The following ZNF189 variants were observed in gnomAD, a reference collection of about 807,000 sequenced individuals.
ZNF189 encodes zinc finger protein 189.
A neutral mutation model predicts 53.5 loss-of-function variants in ZNF189; 33 were observed. The observed-to-expected ratio is 0.62, with a 90% CI of 0.47 to 0.82. The LOEUF (loss-of-function observed/expected upper bound fraction) is 0.82. ZNF189 is among the 40% of genes least tolerant of loss of function. The pLI, the probability that ZNF189 is intolerant of heterozygous loss-of-function variation, is 0.00. For missense variants in ZNF189, 711 were observed against 753.9 expected (o/e 0.94, Z 0.67); for synonymous variants, 247 against 238.8 (o/e 1.03, Z -0.32).
intron 2 of ZNF189, among the ~76,000 whole-genome samples, chr9:101,406,256 AAG>A (rs1264099277): frequency 6.6e-6 from 1 of 152,080 alleles, no homozygotes; most frequent in Non-Finnish European, 1.5e-5. Context: ...GGCTTTCATA[AAG>A]AGAAGGATTT....
At chr9:101,399,611 A>G in intron 1 of ZNF189, 1 of 1,303,206 alleles carries the variant, frequency 7.7e-7, no homozygotes, top group African/African-American at 1.5e-5. Flanking sequence ...GTAGGCAATG[A>G]GGTGAGGGAA....
chr9:101,399,258 TC>T, intron 1 of ZNF189, 69 bp downstream of exon 1: 1 of 1,424,914 alleles, frequency 7.0e-7, no homozygotes, highest in South Asian at 1.3e-5. Flanking sequence ...ACCACTGCTT[TC>T]TCCCCCAGGC....
At chr9:101,402,335 T>G (rs371306763) in intron 2 of ZNF189, among the ~76,000 whole-genome samples, 2 of 152,236 alleles carry the variant, frequency 1.3e-5, no homozygotes, top group East Asian at 3.8e-4. Flanking sequence ...TTGCCTCAAT[T>G]TATTTTTTTA....
At chr9:101,407,865 T>TA in intron 2 of ZNF189, 64 bp from the exon 3 acceptor site, 1 of 1,427,092 alleles carries the variant, frequency 7.0e-7, no homozygotes, top group Non-Finnish European at 9.3e-7. Context: ...TTGCCCATCT[T>TA]ACTTTGTTTC....
intron 2 of ZNF189, among the ~76,000 whole-genome samples, chr9:101,406,652 A>G (rs1198208663): frequency 6.6e-6 from 1 of 152,234 alleles, no homozygotes; most frequent in East Asian, 1.9e-4. Context: ...TAGAAAATTC[A>G]AAGATGACTC....
Position 101,407,932 on chromosome 9 carries a change from T to G in ZNF189, c.164T>G (p.Val55Gly). Reference protein sequence around the residue: ...ENYGNLVSLDVLNRDKDEEPT... With the variant: ...ENYGNLVSLDGLNRDKDEEPT... ...TATTTCCTTTTTATTATTCCAGATG[T>G]TTTGAACAGAGATAAGGATGAGGAG... is the stretch of plus-strand genomic sequence containing the variant. Residue 55 changes from valine (V) to glycine (G), a missense_variant, in exon 3 of 3, where the codon GTT becomes GGT. Val to Gly is a moderately radical substitution (Grantham distance 109, BLOSUM62 -3). Coordinates refer to ENST00000339664, the MANE Select transcript of ZNF189 (RefSeq NM_003452.4). 1 of 1,541,670 alleles carries G rather than the reference T, an allele frequency of 6.5e-7. No individual in the cohort carries two copies. Among genetic ancestry groups the G allele is most frequent in the Non-Finnish European group, 8.7e-7 (1 of 1,149,526 alleles).
chr9:101,404,508 T>A (rs1251524755), intron 2 of ZNF189, among the ~76,000 whole-genome samples: 1 of 152,222 alleles, frequency 6.6e-6, no homozygotes, highest in Non-Finnish European at 1.5e-5. Context: ...AATATTTTTA[T>A]GGATCTTACA....
chr9:101,399,757 T>C, intron 1 of ZNF189, 127 bp from the exon 2 acceptor site: 1 of 1,460,290 alleles, frequency 6.8e-7, no homozygotes, highest in Non-Finnish European at 9.4e-7. Context: ...GGGCAACATA[T>C]GGAACTTTCA....
Position 101,399,166 on chromosome 9 carries a change from C to A in ZNF189, c.10C>A (p.Pro4Thr). The A allele has an allele frequency of 6.3e-7, 1 of 1,595,628 alleles. No homozygotes were observed. MAS[P>T]SPPPESKGLL... ...ATTCTCTGCCTGGGAGATGGCTTCC[C>A]CGAGCCCCCCGCCGGAGTCGAAGGT... is the stretch of plus-strand genomic sequence containing the variant. Residue 4 changes from proline (P) to threonine (T), a missense_variant, in exon 1 of 3, where the codon CCG becomes ACG. Physicochemically the swap from Pro to Thr is conservative, Grantham distance 38. Coordinates refer to ENST00000339664, the MANE Select transcript of ZNF189 (RefSeq NM_003452.4).
rs1430894304 is a variant in ZNF189 at position 101,408,683 on chromosome 9, G to A, written c.915G>A (p.Glu305=). The change falls in exon 3 of 3, where the codon GAG becomes GAA. Residue 305 remains glutamate (E), a synonymous_variant. Transcript: ENST00000339664. The stretch of plus-strand genomic sequence containing the variant: ...TTAGTCGAAATTCATTGCTTGTTGA[G>A]CATCAAAGAATTCACACTGGGGAAA... ...KSFSRNSLLV[E]HQRIHTGERP... The A allele has an allele frequency of 1.2e-6, 2 of 1,611,514 alleles. No individual in the cohort carries two copies. The highest frequency in any genetic ancestry group is 1.3e-5 in the African/African-American group (1 of 74,136).
chr9:101,403,542 G>A (rs1274491889), intron 2 of ZNF189, among the ~76,000 whole-genome samples: 1 of 152,024 alleles, frequency 6.6e-6, no homozygotes, highest in African/African-American at 2.4e-5. Flanking sequence ...TCCTTTTCAA[G>A]CTTATTTTTA....
At chr9:101,399,667 G>A (rs561718468) in intron 1 of ZNF189, 4 of 1,220,358 alleles carry the variant, frequency 3.3e-6, no homozygotes, top group Admixed American at 3.1e-5. Flanking sequence ...AACTCTCAGG[G>A]CATAATAAAT....
chr9:101,406,302 A>G (rs992976822), intron 2 of ZNF189, among the ~76,000 whole-genome samples: 2 of 152,244 alleles, frequency 1.3e-5, no homozygotes, highest in African/African-American at 4.8e-5. Flanking sequence ...TATTTATGTA[A>G]TGGTAGGAAA....
intron 2 of ZNF189, among the ~76,000 whole-genome samples, chr9:101,406,934 T>G (rs1830735704): frequency 1.3e-5 from 2 of 152,178 alleles, no homozygotes; most frequent in Non-Finnish European, 2.9e-5. Flanking sequence ...ATGGTGAACC[T>G]TGGGTCTTAT....
At chr9:101,400,054 G>T in intron 2 of ZNF189, 44 bp downstream of exon 2, 1 of 1,602,324 alleles carries the variant, frequency 6.2e-7, no homozygotes, top group South Asian at 1.1e-5. Context: ...TAAGAAGGTA[G>T]AGAGAAATCA....
chr9:101,399,915 T>G lies in ZNF189; in HGVS notation c.65T>G (p.Phe22Cys). The G allele has an allele frequency of 6.2e-7, 1 of 1,614,092 alleles. No homozygotes were observed. Among genetic ancestry groups the G allele is most frequent in the East Asian group, 2.2e-5 (1 of 44,862 alleles). ...GLLTFEDVAVFFTQEEWDYLD... is the reference protein window; with the variant it reads ...GLLTFEDVAVCFTQEEWDYLD... Reference sequence around the variant, plus strand: ...CTGACATTTGAGGATGTGGCTGTGTTTTTTACCCAGGAGGAGTGGGATTAT... The same window carrying G: ...CTGACATTTGAGGATGTGGCTGTGTGTTTTACCCAGGAGGAGTGGGATTAT... The change falls in exon 2 of 3, where the codon TTT (phenylalanine) becomes TGT (cysteine). Residue 22 changes from phenylalanine to cysteine, a missense_variant. Coordinates refer to ENST00000339664, the MANE Select transcript of ZNF189 (RefSeq NM_003452.4).
intron 1 of ZNF189, chr9:101,399,400 C>T: frequency 7.3e-7 from 1 of 1,371,864 alleles, no homozygotes; most frequent in Non-Finnish European, 9.4e-7. Flanking sequence ...TCTAGAGAGA[C>T]TTGATAAATC....
At position 101,408,280 on chromosome 9, in the gene ZNF189, C is replaced by T. The variant is rs1830790721; in HGVS notation, c.512C>T (p.Thr171Ile). Residue 171 changes from threonine to isoleucine, a missense_variant, in exon 3 of 3, where the codon ACT (threonine) becomes ATT (isoleucine). By Grantham distance (89) the Thr-to-Ile change is moderately conservative. Transcript: ENST00000339664. ...AHFIQHQRVH[T>I]GEKPFQCNEC... Reference sequence around the variant, plus strand: ...TTCATTCAACATCAAAGGGTCCATACTGGTGAGAAACCTTTTCAGTGCAAT... The same window carrying T: ...TTCATTCAACATCAAAGGGTCCATATTGGTGAGAAACCTTTTCAGTGCAAT... The T allele has an allele frequency of 6.2e-7, 1 of 1,614,148 alleles. No individual in the cohort carries two copies. The highest frequency in any genetic ancestry group is 8.5e-7 in the Non-Finnish European group (1 of 1,180,016).
At chr9:101,406,417 T>A (rs939078793) in intron 2 of ZNF189, among the ~76,000 whole-genome samples, 1 of 152,168 alleles carries the variant, frequency 6.6e-6, no homozygotes, top group East Asian at 1.9e-4. Flanking sequence ...TAGCCTTGCA[T>A]AAGAATCAGA....
Sources: gnomAD v4.1 joint callset for allele counts (sites outside exome capture counted in the v4.1 genomes callset) on GRCh38, gnomAD v4.1.1 for gene constraint, MANE v1.5 for transcripts, NCBI Gene and HGNC (gene_info 2026-07-23, HGNC 2026-07-21) for gene names.